MKLN1: variants seen among roughly 807,000 people sequenced by gnomAD.
MKLN1 encodes the protein muskelin.
Under a neutral mutation model 99.0 loss-of-function variants are expected in MKLN1, and 18 were observed. The observed-to-expected ratio is 0.18, with a 90% CI of 0.13 to 0.27. The LOEUF (loss-of-function observed/expected upper bound fraction) is 0.27, where lower values mean the gene tolerates loss of function less well. Ranked by LOEUF, MKLN1 falls within the 10% of genes least tolerant of loss-of-function variation. The probability of loss-of-function intolerance (pLI) is 1.00; values close to 1 mark genes in which losing one functional copy is unlikely to be tolerated. For missense variants in MKLN1, 621 were observed against 875.9 expected, an observed-to-expected ratio of 0.71 and a Z score of 3.67; for synonymous variants, 288 against 293.2, an observed-to-expected ratio of 0.98 and a Z score of 0.18.
chr7:131,459,583 C>T (rs759290673), intron 12 of MKLN1, among the ~76,000 whole-genome samples: 1 of 152,032 alleles, frequency 6.6e-6, no homozygotes, highest in Non-Finnish European at 1.5e-5. Flanking sequence ...GTTCTGAGCC[C>T]CTGACAAGGT....
At chr7:131,184,420 G>A (rs1471072179) in intron 2 of MKLN1, among the ~76,000 whole-genome samples, 1 of 152,140 alleles carries the variant, frequency 6.6e-6, no homozygotes, top group African/African-American at 2.4e-5. Context: ...AGAAACAGCT[G>A]CAGGCCAGTC....
chr7:131,163,019 T>G (rs1796077342), intron 2 of MKLN1, among the ~76,000 whole-genome samples: 1 of 152,314 alleles, frequency 6.6e-6, no homozygotes, highest in South Asian at 2.1e-4. Context: ...GATGGTATTA[T>G]CATCCTTCTA....
chr7:131,138,924 C>T (rs1013838998), intron 1 of MKLN1, among the ~76,000 whole-genome samples: 4 of 152,114 alleles, frequency 2.6e-5, no homozygotes, highest in Admixed American at 1.3e-4. Context: ...AATGTTTCCA[C>T]GAATCAAGTC....
At chr7:131,435,076 A>T (rs1795637768) in intron 9 of MKLN1, among the ~76,000 whole-genome samples, 1 of 152,196 alleles carries the variant, frequency 6.6e-6, no homozygotes, top group South Asian at 2.1e-4. Context: ...TGAATAGGTG[A>T]TGAATTTTAC....
intron 16 of MKLN1, among the ~76,000 whole-genome samples, chr7:131,474,042 C>T (rs1053840297): frequency 2.4e-4 from 36 of 151,944 alleles, no homozygotes; most frequent in African/African-American, 8.2e-4. Flanking sequence ...CCCAGCTGAT[C>T]GGGAGGTTGA....
intron 3 of MKLN1, among the ~76,000 whole-genome samples, chr7:131,312,985 C>T (rs1798596325): frequency 1.3e-5 from 2 of 152,128 alleles, no homozygotes; most frequent in African/African-American, 4.8e-5. Flanking sequence ...AATCTAAAGG[C>T]TCAAATCCAA....
At chr7:131,449,574 T>C (rs1227052111) in intron 12 of MKLN1, among the ~76,000 whole-genome samples, 1 of 152,200 alleles carries the variant, frequency 6.6e-6, no homozygotes, top group Non-Finnish European at 1.5e-5. Flanking sequence ...ACTGTTGCAG[T>C]TATACTTGGA....
intron 1 of MKLN1, among the ~76,000 whole-genome samples, chr7:131,330,422 T>C (rs1799037611): frequency 6.6e-6 from 1 of 152,230 alleles, no homozygotes; most frequent in Admixed American, 6.5e-5. Flanking sequence ...TAGGCTCTCT[T>C]ATGAACATTT....
intron 3 of MKLN1, among the ~76,000 whole-genome samples, chr7:131,218,195 C>T (rs1254030706): frequency 6.6e-6 from 1 of 152,070 alleles, no homozygotes; most frequent in Non-Finnish European, 1.5e-5. Flanking sequence ...ATCTCAAATA[C>T]CATTCTTAGG....
intron 2 of MKLN1, among the ~76,000 whole-genome samples, chr7:131,155,356 G>A (rs894172165): frequency 1.3e-5 from 2 of 152,136 alleles, no homozygotes; most frequent in African/African-American, 2.4e-5. Flanking sequence ...ATTAGAATGG[G>A]CTTGTCAAAC....
At chr7:131,417,003 A>C (rs1049428412) in intron 8 of MKLN1, among the ~76,000 whole-genome samples, 4 of 150,828 alleles carry the variant, frequency 2.7e-5, no homozygotes, top group African/African-American at 9.7e-5. Context: ...AAAAAAAAAA[A>C]CTCAAAGAGG....
At position 131,472,041 on chromosome 7, in the gene MKLN1, T is replaced by C. The variant is rs941060634; in HGVS notation, c.2031+1097T>C. On this transcript the variant is annotated intron_variant, in intron 16 of 17. Coordinates refer to ENST00000352689, the MANE Select transcript of MKLN1 (RefSeq NM_013255.5). ...CCATGAAGGGGGACAGTTAATTGTC[T>C]TTCCTTGAGTTTTCAGTCAATTCAT... 4.6e-5 allele frequency: 7 copies of C among 152,390 alleles called. No individual in the cohort carries two copies. In the South Asian group the frequency reaches 1.4e-3, roughly 32 times the overall value. The allele number at this position is 152,390 out of a possible 1,614,324, so 9.4% of individuals were successfully genotyped here.
intron 12 of MKLN1, among the ~76,000 whole-genome samples, chr7:131,446,905 C>G (rs767338826): frequency 4.6e-5 from 7 of 152,002 alleles, no homozygotes; most frequent in Non-Finnish European, 1.0e-4. Context: ...GACCCTGTCT[C>G]TACAAAAAGG....
At chr7:131,370,478 TA>T (rs1800315142) in intron 1 of MKLN1, among the ~76,000 whole-genome samples, 1 of 151,798 alleles carries the variant, frequency 6.6e-6, no homozygotes, top group African/African-American at 2.4e-5. Flanking sequence ...TTTTTTTTTT[TA>T]GTAAGTTTTC....
chr7:131,170,589 G>A (rs931111069), intron 2 of MKLN1, among the ~76,000 whole-genome samples: 2 of 152,146 alleles, frequency 1.3e-5, no homozygotes, highest in Non-Finnish European at 2.9e-5. Context: ...TGGCTAGTTG[G>A]TGCTTCCCTC....
chr7:131,417,865 A>AT (rs1462543532), intron 8 of MKLN1, among the ~76,000 whole-genome samples: 1 of 152,162 alleles, frequency 6.6e-6, no homozygotes, highest in Admixed American at 6.5e-5. Flanking sequence ...GTGATTTAAA[A>AT]TTTTTTTATT....
At chr7:131,225,009 C>T (rs1031872018) in intron 3 of MKLN1, among the ~76,000 whole-genome samples, 10 of 150,700 alleles carry the variant, frequency 6.6e-5, no homozygotes, top group Admixed American at 6.6e-4. Flanking sequence ...GGAGGCGGAG[C>T]TTGCAATGAG....
At chr7:131,231,119 CAA>C (rs58048470) in intron 3 of MKLN1, among the ~76,000 whole-genome samples, 61 of 60,376 alleles carry the variant, frequency 1.0e-3, no homozygotes, top group African/African-American at 3.7e-3. Context: ...GACTCTGTCT[CAA>C]AAAAAAAAAA....
intron 11 of MKLN1, among the ~76,000 whole-genome samples, chr7:131,444,749 AGTAGTAGTAGAAGAAGTAGTAGTAGTAGT>A (rs1563351911): frequency 1.9e-4 from 20 of 103,588 alleles, no homozygotes; most frequent in East Asian, 1.8e-3. Context: ...TAGTAGTAGT[AGTAGTAGTAGAAGAAGTAGTAGTAGTAGT>A]AGTAGTAGTA....
Sources: allele counts gnomAD v4.1 joint callset (sites outside exome capture counted in the v4.1 genomes callset), GRCh38; gene constraint gnomAD v4.1.1; transcripts MANE v1.5; gene names NCBI Gene and HGNC (gene_info 2026-07-23, HGNC 2026-07-21).